The following UBASH3B variants were observed in gnomAD, a reference collection of about 807,000 sequenced individuals.
UBASH3B encodes the protein ubiquitin associated and SH3 domain containing B.
A neutral mutation model predicts 83.4 loss-of-function variants in UBASH3B; 37 were observed. That is an observed-to-expected ratio of 0.44 (90% CI 0.34 to 0.58). The LOEUF (loss-of-function observed/expected upper bound fraction) is 0.58, where lower values mean the gene tolerates loss of function less well. Ranked by LOEUF, UBASH3B falls within the 20% of genes least tolerant of loss-of-function variation. UBASH3B has a pLI of 0.01. For missense variants in UBASH3B, 657 were observed against 827.2 expected (o/e 0.79, Z 2.52); for synonymous variants, 304 against 318.3 (o/e 0.96, Z 0.48).
intron 1 of UBASH3B, among the ~76,000 whole-genome samples, chr11:122,774,470 AC>A (rs1172843163): frequency 6.6e-6 from 1 of 152,020 alleles, no homozygotes; most frequent in Admixed American, 6.5e-5. Flanking sequence ...ACTTCTTTCC[AC>A]CTGAGTTTTT....
intron 9 of UBASH3B, among the ~76,000 whole-genome samples, 186 bp from the exon 10 acceptor site, chr11:122,798,756 C>T (rs1271629224): frequency 1.3e-5 from 2 of 151,228 alleles, no homozygotes; most frequent in East Asian, 3.9e-4. Flanking sequence ...GTCGCTTGCT[C>T]TCATAGGAAC....
At chr11:122,752,357 G>A (rs1220642715) in intron 1 of UBASH3B, among the ~76,000 whole-genome samples, 2 of 152,206 alleles carry the variant, frequency 1.3e-5, no homozygotes, top group Admixed American at 6.5e-5. Context: ...TATAATGTGC[G>A]AGGCCAGGTG....
chr11:122,777,982 A>G (rs773262301), intron 3 of UBASH3B, among the ~76,000 whole-genome samples: 5 of 151,998 alleles, frequency 3.3e-5, no homozygotes, highest in Non-Finnish European at 5.9e-5. Context: ...CGCCCACCTC[A>G]GCCTCCCAAA....
intron 1 of UBASH3B, among the ~76,000 whole-genome samples, chr11:122,744,600 G>T (rs1473384110): frequency 6.6e-6 from 1 of 152,036 alleles, no homozygotes; most frequent in Non-Finnish European, 1.5e-5. Flanking sequence ...GTGTGTGAGG[G>T]TGTTTGTGTG....
In UBASH3B at chr11:122,765,662, G is replaced by A. The variant is rs986990595; in HGVS notation, c.162-10557G>A. On this transcript the variant is annotated intron_variant, in intron 1 of 13. Coordinates refer to ENST00000284273, the MANE Select transcript of UBASH3B (RefSeq NM_032873.5). Reference sequence around the variant, plus strand: ...GGTTGATAATTAATTAACCACTCTGGCAACCACCGCCTGATGGATCTCTGG... The same window carrying A: ...GGTTGATAATTAATTAACCACTCTGACAACCACCGCCTGATGGATCTCTGG... 5.9e-5 allele frequency among the ~76,000 whole-genome samples: 9 copies of A among 152,296 alleles called. 1 individual carries two copies. The highest frequency in any genetic ancestry group is 4.6e-4 in the Admixed American group (7 of 15,298).
chr11:122,781,827 A>G (rs1166652942), intron 4 of UBASH3B, among the ~76,000 whole-genome samples: 1 of 152,244 alleles, frequency 6.6e-6, no homozygotes, highest in Non-Finnish European at 1.5e-5. Flanking sequence ...GAAAACCTGC[A>G]TGATATGCTG....
At chr11:122,763,913 G>A (rs1419889104) in intron 1 of UBASH3B, among the ~76,000 whole-genome samples, 1 of 152,202 alleles carries the variant, frequency 6.6e-6, no homozygotes, top group East Asian at 1.9e-4. Flanking sequence ...AGATGAGATT[G>A]TTCAGCTGAA....
At chr11:122,748,168 T>C (rs779541815) in intron 1 of UBASH3B, among the ~76,000 whole-genome samples, 4 of 152,226 alleles carry the variant, frequency 2.6e-5, no homozygotes, top group Admixed American at 6.5e-5. Flanking sequence ...CTTCACATAG[T>C]GGTTTAAAAC....
rs1863948750 is a variant in UBASH3B at position 122,695,014 on chromosome 11, A to G, written c.161+38804A>G. 2.7e-5 allele frequency among the ~76,000 whole-genome samples: 3 copies of G among 111,204 alleles called. No homozygotes were observed. The South Asian group carries it at 9.5e-4, about 35-fold the overall frequency. 73.0% of individuals were successfully genotyped at this position (111,204 alleles called of 152,430 possible). ...AGTCTCCCTCTTTCCCCCAGGCTGGAGTGCAGTGGCACGATTTCAGCTCAC... is the reference window on the plus strand; with the variant it reads ...AGTCTCCCTCTTTCCCCCAGGCTGGGGTGCAGTGGCACGATTTCAGCTCAC... On this transcript the variant is annotated intron_variant, in intron 1 of 13. Transcript: ENST00000284273.
chr11:122,664,096 T>A (rs7118212), intron 1 of UBASH3B, among the ~76,000 whole-genome samples: 58,083 of 151,576 alleles, frequency 0.38, 11,234 homozygotes, highest in African/African-American at 0.42. Context: ...GGTATAAGGC[T>A]GTAAGATAGG....
intron 1 of UBASH3B, among the ~76,000 whole-genome samples, chr11:122,693,226 G>T (rs910781320): frequency 7.9e-5 from 12 of 152,216 alleles, no homozygotes; most frequent in African/African-American, 2.9e-4. Context: ...AAATCACAAT[G>T]GTGGAATGTC....
At chr11:122,774,385 C>G (rs1482697652) in intron 1 of UBASH3B, 2 of 870,764 alleles carry the variant, frequency 2.3e-6, no homozygotes, top group Admixed American at 6.2e-5. Flanking sequence ...ACTTGTCTTT[C>G]TGTGGAGCAG....
intron 1 of UBASH3B, among the ~76,000 whole-genome samples, chr11:122,669,227 A>G (rs113066987): frequency 0.014 from 2,106 of 152,334 alleles, 49 homozygotes; most frequent in African/African-American, 0.048. Flanking sequence ...GCTAACGTCA[A>G]CGCGTCAATA....
At chr11:122,743,576 T>G (rs1334302107) in intron 1 of UBASH3B, among the ~76,000 whole-genome samples, 2 of 152,054 alleles carry the variant, frequency 1.3e-5, no homozygotes, top group East Asian at 3.9e-4. Context: ...ATCTGTAAAA[T>G]GGGTATACTA....
intron 1 of UBASH3B, among the ~76,000 whole-genome samples, chr11:122,704,341 A>C (rs986869175): frequency 6.6e-6 from 1 of 152,170 alleles, no homozygotes; most frequent in East Asian, 1.9e-4. Context: ...ATGGCCTTAC[A>C]AAAGGCTACG....
chr11:122,808,003 G>C, intron 12 of UBASH3B, 64 bp from the exon 13 acceptor site: 1 of 1,282,316 alleles, frequency 7.8e-7, no homozygotes, highest in South Asian at 1.2e-5. Flanking sequence ...TTAGCTTCCA[G>C]TATTTGCAAA....
intron 1 of UBASH3B, among the ~76,000 whole-genome samples, chr11:122,742,266 A>G (rs1053033753): frequency 4.6e-5 from 7 of 152,344 alleles, no homozygotes; most frequent in Middle Eastern, 3.4e-3. Context: ...ACAGTATTGC[A>G]GACAGGAGAA....
At chr11:122,776,910 C>A in intron 2 of UBASH3B, 114 bp from the exon 3 acceptor site, 1 of 1,006,654 alleles carries the variant, frequency 9.9e-7, no homozygotes, top group Non-Finnish European at 1.4e-6. Flanking sequence ...GAAAACCCTT[C>A]CCCGCGCTGT....
At chr11:122,757,995 C>CG (rs1565554191) in intron 1 of UBASH3B, among the ~76,000 whole-genome samples, 3 of 152,170 alleles carry the variant, frequency 2.0e-5, no homozygotes, top group Admixed American at 1.3e-4. Flanking sequence ...CGTGAGCCAC[C>CG]GCACCAGGCC....
Sources: allele counts gnomAD v4.1 joint callset (sites outside exome capture counted in the v4.1 genomes callset), GRCh38; gene constraint gnomAD v4.1.1; transcripts MANE v1.5; gene names NCBI Gene and HGNC (gene_info 2026-07-23, HGNC 2026-07-21).